FAM78B: variants seen among roughly 807,000 people sequenced by gnomAD.
The protein encoded by FAM78B is protein FAM78B.
Under a neutral mutation model 20.0 loss-of-function variants are expected in FAM78B, and 10 were observed. That is an observed-to-expected ratio of 0.50 (90% CI 0.31 to 0.85). The LOEUF (loss-of-function observed/expected upper bound fraction) is 0.85, where lower values mean the gene tolerates loss of function less well. Among genes scored for constraint, FAM78B ranks in the 40% least tolerant of loss-of-function variants. FAM78B has a pLI of 0.05. For synonymous variants in FAM78B, 135 were observed against 132.8 expected (o/e 1.02, Z -0.12); for missense variants, 283 against 345.0 (o/e 0.82, Z 1.42).
chr1:166,111,665 G>A (rs1008668014), intron 1 of FAM78B, among the ~76,000 whole-genome samples: 1 of 152,228 alleles, frequency 6.6e-6, no homozygotes, highest in African/African-American at 2.4e-5. Context: ...ACAGAAAACT[G>A]TCAAGTGGTA....
chr1:166,147,479 G>C (rs1326404142), intron 1 of FAM78B, among the ~76,000 whole-genome samples: 1 of 152,182 alleles, frequency 6.6e-6, no homozygotes, highest in Non-Finnish European at 1.5e-5. Context: ...AGTCTGCCTG[G>C]AGAAGGCTGG....
intron 1 of FAM78B, among the ~76,000 whole-genome samples, chr1:166,156,004 GA>G (rs961011950): frequency 6.6e-6 from 1 of 152,126 alleles, no homozygotes; most frequent in African/African-American, 2.4e-5. Context: ...GCTCCTTCGG[GA>G]TGCTGCAGAA....
intron 1 of FAM78B, among the ~76,000 whole-genome samples, chr1:166,127,076 C>A (rs551100094): frequency 5.3e-4 from 81 of 152,236 alleles, no homozygotes; most frequent in Non-Finnish European, 9.0e-4. Flanking sequence ...CTCTCTCTTA[C>A]TGGGTGACAT....
Position 166,152,695 on chromosome 1 carries a change from T to TATTGATTG in FAM78B, c.263+13290_263+13291insCAATCAAT, listed in dbSNP as rs894823423. ...TTATTTATTTATTTATTTATTTATT[T>TATTGATTG]ATTGATGGAATCTCGCTCTGTCACC... is the stretch of plus-strand genomic sequence containing the variant. On this transcript the variant is annotated intron_variant, in intron 1 of 1. Transcript: ENST00000354422. 6.4e-3 allele frequency among the ~76,000 whole-genome samples: 955 copies of TATTGATTG among 149,226 alleles called. 9 individuals carry two copies. Among genetic ancestry groups the TATTGATTG allele is most frequent in the African/African-American group, 0.022 (864 of 39,898 alleles).
Position 166,146,066 on chromosome 1 carries a change from G to A in FAM78B, c.263+19920C>T, listed in dbSNP as rs187536605. ...TGTGAGGAGCAAAAGAAATGTGAAT[G>A]AGAGCACTTTGTAAACTTCTACTAC... On this transcript the variant is annotated intron_variant, in intron 1 of 1. Transcript: ENST00000354422. Among the ~76,000 whole-genome samples the A allele has an allele frequency of 1.8e-3, 271 of 152,288 alleles. 1 individual carries two copies. In the South Asian group the frequency reaches 0.02, roughly 11 times the overall value.
chr1:166,092,613 C>T (rs1653121613), intron 1 of FAM78B, among the ~76,000 whole-genome samples: 2 of 152,206 alleles, frequency 1.3e-5, no homozygotes, highest in South Asian at 4.1e-4. Flanking sequence ...ATCCCATGCT[C>T]CTCAGCTGCA....
chr1:166,107,626 T>C (rs570580512), intron 1 of FAM78B, among the ~76,000 whole-genome samples: 1 of 152,162 alleles, frequency 6.6e-6, no homozygotes, highest in East Asian at 1.9e-4. Context: ...GAAGGAACCT[T>C]CCCTAATTCA....
intron 1 of FAM78B, among the ~76,000 whole-genome samples, chr1:166,157,493 C>T (rs1396021354): frequency 6.6e-6 from 1 of 151,906 alleles, no homozygotes; most frequent in Non-Finnish European, 1.5e-5. Flanking sequence ...GCTAAATCTT[C>T]CACTGGCACA....
chr1:166,080,258 A>G (rs752794476), intron 1 of FAM78B, among the ~76,000 whole-genome samples: 5 of 152,164 alleles, frequency 3.3e-5, no homozygotes, highest in African/African-American at 4.8e-5. Flanking sequence ...AAATATTCAA[A>G]CATTTTTGGA....
chr1:166,081,413 T>C (rs941462916), intron 1 of FAM78B, among the ~76,000 whole-genome samples: 1 of 152,166 alleles, frequency 6.6e-6, no homozygotes, highest in African/African-American at 2.4e-5. Flanking sequence ...TCTGGGGTCG[T>C]TGGCCAGTTT....
At chr1:166,127,401 G>A (rs1179507983) in intron 1 of FAM78B, among the ~76,000 whole-genome samples, 4 of 152,170 alleles carry the variant, frequency 2.6e-5, no homozygotes, top group South Asian at 4.1e-4. Flanking sequence ...GTTTACCTAC[G>A]ACTGTGGAAG....
At chr1:166,074,084 G>A (rs1652162539) in intron 1 of FAM78B, among the ~76,000 whole-genome samples, 1 of 152,190 alleles carries the variant, frequency 6.6e-6, no homozygotes, top group East Asian at 1.9e-4. Flanking sequence ...TTGTCCAAGT[G>A]TTCAAACATG....
downstream of FAM78B, among the ~76,000 whole-genome samples, chr1:166,065,584 AG>A (rs1453763522): frequency 1.3e-5 from 2 of 152,178 alleles, no homozygotes; most frequent in Non-Finnish European, 2.9e-5. Context: ...TAGGACCCTA[AG>A]GTTGGTGATG....
At chr1:166,060,469 G>A (rs905862799) in exon 3 of FAM78B, 7 of 578,920 alleles carry the variant, frequency 1.2e-5, no homozygotes, top group Middle Eastern at 4.4e-4. Flanking sequence ...CACATGGCTC[G>A]TGGAGGGTGG....
At chr1:166,065,188 A>G (rs1651753634), downstream of FAM78B, among the ~76,000 whole-genome samples, 1 of 152,210 alleles carries the variant, frequency 6.6e-6, no homozygotes, top group Non-Finnish European at 1.5e-5. Context: ...CCTGCATTTA[A>G]CCAGGGAGAG....
intron 1 of FAM78B, among the ~76,000 whole-genome samples, chr1:166,109,890 G>GTATATATGTATGTATA (rs1557903394): frequency 4.3e-5 from 1 of 23,192 alleles, no homozygotes; most frequent in Non-Finnish European, 1.1e-4. Flanking sequence ...ATGTATATAT[G>GTATATATGTATGTATA]TATATATATA....
intron 1 of FAM78B, among the ~76,000 whole-genome samples, chr1:166,076,139 A>G (rs970337893): frequency 4.6e-5 from 7 of 152,352 alleles, no homozygotes; most frequent in African/African-American, 1.7e-4. Context: ...TGGCAGCCAC[A>G]GTGATCTTGT....
At chr1:166,164,313 G>C (rs1451701252) in intron 1 of FAM78B, among the ~76,000 whole-genome samples, 4 of 152,204 alleles carry the variant, frequency 2.6e-5, no homozygotes, top group African/African-American at 9.6e-5. Flanking sequence ...GAAATGAGAG[G>C]AAGGGCTCTT....
intron 1 of FAM78B, among the ~76,000 whole-genome samples, chr1:166,088,456 C>T (rs1462642497): frequency 6.6e-6 from 1 of 152,170 alleles, no homozygotes; most frequent in African/African-American, 2.4e-5. Context: ...TCAGAAGATC[C>T]AGGCCCACTA....
Sources: allele counts gnomAD v4.1 joint callset (sites outside exome capture counted in the v4.1 genomes callset), GRCh38; gene constraint gnomAD v4.1.1; transcripts MANE v1.5; gene names NCBI Gene and HGNC (gene_info 2026-07-23, HGNC 2026-07-21).